Variants in VWA5A observed in about 807,000 individuals in gnomAD.
VWA5A encodes von Willebrand factor A domain containing 5A.
VWA5A carries 77 observed loss-of-function variants against 84.6 expected under a neutral mutation model. The observed-to-expected ratio is 0.91, with a 90% CI of 0.76 to 1.10. The LOEUF (loss-of-function observed/expected upper bound fraction) is 1.10. Among genes scored for constraint, VWA5A ranks in the 50% least tolerant of loss-of-function variants. The pLI, the probability that VWA5A is intolerant of heterozygous loss-of-function variation, is 0.00. For synonymous variants in VWA5A, 334 were observed against 350.1 expected, an observed-to-expected ratio of 0.95 and a Z score of 0.51; for missense variants, 973 against 963.0, an observed-to-expected ratio of 1.01 and a Z score of -0.14.
Position 124,118,662 on chromosome 11 carries a change from C to T in VWA5A, c.599C>T (p.Pro200Leu), listed in dbSNP as rs539246425. Residue 200 changes from proline (P) to leucine (L), a missense_variant, in exon 6 of 19, where the codon CCC (proline) becomes CTC (leucine). By Grantham distance (98) the Pro-to-Leu change is moderately conservative. Coordinates refer to ENST00000456829, the MANE Select transcript of VWA5A (RefSeq NM_001130142.2). ...HGIEKVQSNCPLSPTEYLGED... is the reference protein window; with the variant it reads ...HGIEKVQSNCLLSPTEYLGED... Reference sequence around the variant, plus strand: ...ATTGAGAAGGTCCAATCCAACTGCCCCTTGAGTCCTACCGAGTACCTAGGA... The same window carrying T: ...ATTGAGAAGGTCCAATCCAACTGCCTCTTGAGTCCTACCGAGTACCTAGGA... 8.7e-6 allele frequency: 14 copies of T among 1,614,038 alleles called. No homozygotes were observed. In the South Asian group the frequency reaches 1.4e-4, roughly 16 times the overall value.
intron 15 of VWA5A, among the ~76,000 whole-genome samples, chr11:124,138,176 G>C (rs1860653396): frequency 6.6e-6 from 1 of 152,152 alleles, no homozygotes; most frequent in African/African-American, 2.4e-5. Context: ...ATGTTACATT[G>C]TGTATATATA....
At position 124,136,896 on chromosome 11, in the gene VWA5A, C is replaced by A. The variant is rs113009380; in HGVS notation, c.1626-119C>A. Reference sequence around the variant, plus strand: ...TTTATTTCTAAACCACCCAAGTCTTCTCTCTCCCCTTATCTGACTTTATCT... The same window carrying A: ...TTTATTTCTAAACCACCCAAGTCTTATCTCTCCCCTTATCTGACTTTATCT... On this transcript the variant is annotated intron_variant, in intron 14 of 18. Transcript: ENST00000456829. The A allele has an allele frequency of 3.0e-4, 423 of 1,386,898 alleles. 6 individuals are homozygous for A. In the African/African-American group the frequency reaches 4.1e-3, roughly 14 times the overall value. The allele number at this position is 1,386,898 out of a possible 1,614,324, so 85.9% of individuals were successfully genotyped here. A position where few individuals can be genotyped will look rare whatever the true frequency, so the allele number is the denominator to read the frequency against.
At chr11:124,136,886 C>G (rs1159065706) in intron 14 of VWA5A, 129 bp from the exon 15 acceptor site, 1 of 1,333,990 alleles carries the variant, frequency 7.5e-7, no homozygotes, top group Non-Finnish European at 1.0e-6. Context: ...TTCTAAACCA[C>G]CCAAGTCTTC....
At chr11:124,130,567 T>C (rs1865081544) in intron 11 of VWA5A, among the ~76,000 whole-genome samples, 1 of 152,172 alleles carries the variant, frequency 6.6e-6, no homozygotes, top group African/African-American at 2.4e-5. Context: ...TGTCTAATAT[T>C]GAAAGTGGGG....
rs201601409 is a variant in VWA5A, at chr11:124,117,765, C to T, written c.136C>T (p.Pro46Ser). 8 of 1,614,116 alleles carry T rather than the reference C, an allele frequency of 5.0e-6. No homozygotes were observed. The highest frequency in any genetic ancestry group is 5.9e-6 in the Non-Finnish European group (7 of 1,180,016). Residue 46 changes from proline (P) to serine (S), a missense_variant, in exon 4 of 19, where the codon CCT becomes TCT. Transcript: ENST00000456829. ...GAACTACGAGAATGAGGAGAAAGTT[C>T]CTTTGGAGGCCTTCTTTGTGTTCCC... The part of the protein sequence containing the change: ...TLNYENEEKV[P>S]LEAFFVFPMD...
chr11:124,136,424 C>A, intron 13 of VWA5A, 131 bp downstream of exon 13: 2 of 1,452,956 alleles, frequency 1.4e-6, no homozygotes, highest in Non-Finnish European at 1.9e-6. Flanking sequence ...ACTTCCTTCC[C>A]ATCATTTCAG....
intron 17 of VWA5A, among the ~76,000 whole-genome samples, chr11:124,144,183 T>TA (rs970382939): frequency 4.7e-5 from 7 of 150,478 alleles, no homozygotes; most frequent in Non-Finnish European, 7.4e-5. Flanking sequence ...AACTTTTCAT[T>TA]AAAAAAAAAG....
At chr11:124,121,766 A>G (rs1483852918) in intron 7 of VWA5A, among the ~76,000 whole-genome samples, 1 of 152,260 alleles carries the variant, frequency 6.6e-6, no homozygotes, top group Admixed American at 6.5e-5. Context: ...GATAATCCAC[A>G]TATAACGCTT....
chr11:124,140,334 CT>C, intron 15 of VWA5A, among the ~76,000 whole-genome samples: 1 of 151,910 alleles, frequency 6.6e-6, no homozygotes. Context: ...TGGAAGCAAG[CT>C]GACATATAGG....
At chr11:124,144,913 T>C (rs7120918) in intron 17 of VWA5A, among the ~76,000 whole-genome samples, 105,062 of 151,806 alleles carry the variant, frequency 0.69, 37,221 homozygotes, top group African/African-American at 0.87. Flanking sequence ...AAAAAAAACT[T>C]ATGAAGGTTC....
At chr11:124,129,046 C>A (rs992359018) in intron 11 of VWA5A, among the ~76,000 whole-genome samples, 23 of 152,168 alleles carry the variant, frequency 1.5e-4, no homozygotes, top group Admixed American at 1.4e-3. Flanking sequence ...AGAGGGCATC[C>A]TTGTCTTGTG....
At chr11:124,133,574 T>C (rs1325089593) in intron 11 of VWA5A, among the ~76,000 whole-genome samples, 2 of 152,206 alleles carry the variant, frequency 1.3e-5, no homozygotes, top group Non-Finnish European at 2.9e-5. Flanking sequence ...CAATTTACAG[T>C]GGCATTGCTG....
rs960629025 is a variant in VWA5A, at chr11:124,146,009, T to A, written c.*64T>A. Reference sequence around the variant, plus strand: ...CTGTCATTTCCTCTAGTATCACTTTTGCTGTGATGATGTGTTCTTGTGTAT... The same window carrying A: ...CTGTCATTTCCTCTAGTATCACTTTAGCTGTGATGATGTGTTCTTGTGTAT... On this transcript the variant is annotated 3_prime_UTR_variant, in exon 19 of 19. Transcript: ENST00000456829. 7 of 1,502,550 alleles carry A rather than the reference T, an allele frequency of 4.7e-6. No individual in the cohort carries two copies. Among genetic ancestry groups the A allele is most frequent in the African/African-American group, 1.4e-5 (1 of 71,942 alleles). 93.1% of individuals were successfully genotyped at this position (1,502,550 alleles called of 1,614,324 possible). A position where few individuals can be genotyped will look rare whatever the true frequency, so the allele number is the denominator to read the frequency against.
chr11:124,125,887 T>A (rs1241897029), intron 11 of VWA5A, among the ~76,000 whole-genome samples: 1 of 152,240 alleles, frequency 6.6e-6, no homozygotes, highest in Non-Finnish European at 1.5e-5. Context: ...TTTTCCTTTA[T>A]GGTTAGTGTT....
intron 15 of VWA5A, among the ~76,000 whole-genome samples, chr11:124,138,444 G>C (rs12788940): frequency 0.1 from 15,501 of 152,058 alleles, 796 homozygotes; most frequent in South Asian, 0.16. Flanking sequence ...ATCCTCACCA[G>C]TACTTGTTAT....
intron 6 of VWA5A, 68 bp downstream of exon 6, chr11:124,118,776 C>G (rs1313348235): frequency 6.5e-7 from 1 of 1,542,212 alleles, no homozygotes; most frequent in Non-Finnish European, 8.8e-7. Flanking sequence ...GGTCCCCAAC[C>G]AGTTCTTCCC....
chr11:124,119,098 T>C lies in VWA5A; in HGVS notation c.760+9T>C, dbSNP rs777432616. The C allele has an allele frequency of 6.2e-7, 1 of 1,611,620 alleles. No individual in the cohort carries two copies. The highest frequency in any genetic ancestry group is 1.1e-5 in the South Asian group (1 of 90,584). On this transcript the variant is annotated intron_variant, in intron 7 of 18. Transcript: ENST00000456829. The stretch of plus-strand genomic sequence containing the variant: ...GCCTAACATGAAGCCAGGTATTTTC[T>C]TTCTTCCTTTGTAGTCATCCCCTAA...
rs1319676989 is a variant in VWA5A at position 124,146,326 on chromosome 11, A to C, written c.*381A>C. 5.1e-6 allele frequency: 1 copy of C among 197,220 alleles called. No individual in the cohort carries two copies. Among genetic ancestry groups the C allele is most frequent in the African/African-American group, 2.4e-5 (1 of 41,960 alleles). The allele number at this position is 197,220 out of a possible 1,614,324, so 12.2% of individuals were successfully genotyped here. ...CTTGAATTAGAGAATTTTCTGCATT[A>C]TCTTTGTCTGTTCACTTTCTATCTT... is the stretch of plus-strand genomic sequence containing the variant. On this transcript the variant is annotated 3_prime_UTR_variant, in exon 19 of 19. Coordinates refer to ENST00000456829, the MANE Select transcript of VWA5A (RefSeq NM_001130142.2).
chr11:124,136,423 C>A, intron 13 of VWA5A, 130 bp downstream of exon 13: 1 of 1,453,490 alleles, frequency 6.9e-7, no homozygotes, highest in Admixed American at 2.0e-5. Context: ...TACTTCCTTC[C>A]CATCATTTCA....
Sources: gnomAD v4.1 joint callset for allele counts (sites outside exome capture counted in the v4.1 genomes callset) on GRCh38, gnomAD v4.1.1 for gene constraint, MANE v1.5 for transcripts, NCBI Gene and HGNC (gene_info 2026-07-23, HGNC 2026-07-21) for gene names.